Variants in APBA2 observed in about 807,000 individuals in gnomAD.
The protein encoded by APBA2 is amyloid beta precursor protein binding family A member 2, also known as amyloid-beta A4 precursor protein-binding family A member 2.
A neutral mutation model predicts 75.0 loss-of-function variants in APBA2; 30 were observed. The ratio of observed to expected loss-of-function variants is 0.40; its 90% CI spans 0.30 to 0.54. APBA2 has a LOEUF of 0.54. Among genes scored for constraint, APBA2 ranks in the 20% least tolerant of loss-of-function variants. APBA2 has a pLI of 0.49. For synonymous variants in APBA2, 444 were observed against 409.6 expected (o/e 1.08, Z -1.01); for missense variants, 801 against 1,016.1 (o/e 0.79, Z 2.88).
chr15:29,051,171 A>G (rs758688450), intron 3 of APBA2, among the ~76,000 whole-genome samples: 1 of 152,286 alleles, frequency 6.6e-6, no homozygotes, highest in East Asian at 1.9e-4. Flanking sequence ...GTGACAAGTT[A>G]TATGTGGTCT....
chr15:28,896,200 ATCT>A (rs753779512), intron 1 of APBA2, among the ~76,000 whole-genome samples: 2 of 152,312 alleles, frequency 1.3e-5, no homozygotes. Context: ...CCTTTCTGTC[ATCT>A]TGATGGTTTT....
intron 1 of APBA2, among the ~76,000 whole-genome samples, chr15:28,898,713 A>C (rs1212986045): frequency 1.3e-5 from 2 of 152,252 alleles, no homozygotes; most frequent in Non-Finnish European, 2.9e-5. Flanking sequence ...GTATAAAAAC[A>C]GAGCAGTTCA....
intron 3 of APBA2, among the ~76,000 whole-genome samples, chr15:29,000,241 A>G (rs1194719259): frequency 6.6e-6 from 1 of 152,194 alleles, no homozygotes; most frequent in South Asian, 2.1e-4. Flanking sequence ...GCGTTTTCTA[A>G]AAATATGAAC....
chr15:29,016,945 G>A (rs2039690934), intron 3 of APBA2, among the ~76,000 whole-genome samples: 1 of 151,960 alleles, frequency 6.6e-6, no homozygotes, highest in Non-Finnish European at 1.5e-5. Context: ...AATACATTTG[G>A]TGATTTATAT....
At chr15:29,013,141 AT>A (rs142863229) in intron 3 of APBA2, among the ~76,000 whole-genome samples, 1 of 150,162 alleles carries the variant, frequency 6.7e-6, no homozygotes, top group South Asian at 2.1e-4. Flanking sequence ...CAGACATAAT[AT>A]TTTTTTTTAC....
chr15:28,992,174 G>A (rs1191733008), intron 2 of APBA2, among the ~76,000 whole-genome samples: 1 of 152,084 alleles, frequency 6.6e-6, no homozygotes, highest in East Asian at 1.9e-4. Context: ...CTGCCCTATT[G>A]GGGTTCCGTC....
At chr15:29,088,803 G>T (rs2043413750) in intron 6 of APBA2, among the ~76,000 whole-genome samples, 1 of 152,124 alleles carries the variant, frequency 6.6e-6, no homozygotes, top group Admixed American at 6.6e-5. Flanking sequence ...CTCACATCTG[G>T]CCAGCGCTTC....
chr15:28,904,140 T>C (rs1035882574), intron 1 of APBA2, among the ~76,000 whole-genome samples: 1 of 152,318 alleles, frequency 6.6e-6, no homozygotes, highest in South Asian at 2.1e-4. Flanking sequence ...TTCATTGTAT[T>C]GGAAAACAGA....
At chr15:29,081,579 A>G (rs2043084803) in intron 6 of APBA2, among the ~76,000 whole-genome samples, 1 of 152,206 alleles carries the variant, frequency 6.6e-6, no homozygotes, top group Non-Finnish European at 1.5e-5. Context: ...CCTTCTGTAT[A>G]GTGGAAGCCA....
chr15:29,047,184 T>C (rs1197358798), intron 3 of APBA2, among the ~76,000 whole-genome samples: 2 of 152,210 alleles, frequency 1.3e-5, no homozygotes, highest in Admixed American at 6.5e-5. Context: ...CTTTGTCTTA[T>C]ACCAAAAGTG....
chr15:29,025,412 C>T (rs1362634172), intron 3 of APBA2, among the ~76,000 whole-genome samples: 2 of 151,960 alleles, frequency 1.3e-5, no homozygotes, highest in African/African-American at 2.4e-5. Context: ...ACTACAGGCA[C>T]GTGCCACCCT....
chr15:29,091,790 G>A (rs2043585752), intron 6 of APBA2, among the ~76,000 whole-genome samples: 1 of 152,152 alleles, frequency 6.6e-6, no homozygotes, highest in African/African-American at 2.4e-5. Flanking sequence ...GTGAGACCAG[G>A]GATCAGCTGG....
chr15:28,968,330 G>T (rs1381221779), intron 2 of APBA2, among the ~76,000 whole-genome samples: 1 of 152,112 alleles, frequency 6.6e-6, no homozygotes, highest in Non-Finnish European at 1.5e-5. Flanking sequence ...TGAATGATGT[G>T]GTAATTTATG....
intron 2 of APBA2, among the ~76,000 whole-genome samples, chr15:28,964,417 G>A (rs11858563): frequency 0.11 from 16,908 of 151,750 alleles, 2,888 homozygotes; most frequent in African/African-American, 0.37. Context: ...ATAATGTTGG[G>A]GATCTTTTCA....
chr15:28,957,104 G>A (rs143771885), intron 2 of APBA2, among the ~76,000 whole-genome samples: 2,427 of 151,466 alleles, frequency 0.016, 73 homozygotes, highest in African/African-American at 0.057. Flanking sequence ...ATGGAGTCTC[G>A]TTCTGTCACC....
chr15:28,998,697 C>A (rs1201617819), intron 3 of APBA2, among the ~76,000 whole-genome samples: 1 of 152,112 alleles, frequency 6.6e-6, no homozygotes, highest in Non-Finnish European at 1.5e-5. Context: ...AGGCTAGGAG[C>A]AAGTGCTCAT....
intron 3 of APBA2, among the ~76,000 whole-genome samples, chr15:29,008,777 T>G (rs952562951): frequency 6.6e-6 from 1 of 152,172 alleles, no homozygotes; most frequent in Non-Finnish European, 1.5e-5. Context: ...TCCATACATA[T>G]GAATTCTACC....
At chr15:29,105,680 G>A (rs1236237191) in intron 11 of APBA2, 122 bp downstream of exon 11, 7 of 1,075,990 alleles carry the variant, frequency 6.5e-6, no homozygotes, top group Admixed American at 1.9e-5. Context: ...AGACTCCAGT[G>A]GGGCCCGGAA....
At chr15:29,024,417 C>G (rs1278783936) in intron 3 of APBA2, among the ~76,000 whole-genome samples, 1 of 152,148 alleles carries the variant, frequency 6.6e-6, no homozygotes, top group Non-Finnish European at 1.5e-5. Context: ...GTTTCTTTAC[C>G]AGGGCCTGGT....
Sources: gnomAD v4.1 joint callset for allele counts (sites outside exome capture counted in the v4.1 genomes callset) on GRCh38, gnomAD v4.1.1 for gene constraint, MANE v1.5 for transcripts, NCBI Gene and HGNC (gene_info 2026-07-23, HGNC 2026-07-21) for gene names.